The following TMEM63B variants were observed in gnomAD, a reference collection of about 807,000 sequenced individuals.
TMEM63B encodes the protein transmembrane protein 63B, also known as mechanosensitive cation channel TMEM63B.
In TMEM63B, 23 loss-of-function variants were observed where a neutral mutation model predicts 102.6. The ratio of observed to expected loss-of-function variants is 0.22; its 90% CI spans 0.16 to 0.32. The LOEUF (loss-of-function observed/expected upper bound fraction) is 0.32, where lower values mean the gene tolerates loss of function less well. Among genes scored for constraint, TMEM63B ranks in the 10% least tolerant of loss-of-function variants. TMEM63B has a pLI of 1.00. For synonymous variants in TMEM63B, 444 were observed against 437.0 expected (o/e 1.02, Z -0.20); for missense variants, 628 against 1,095.9 (o/e 0.57, Z 6.03).
chr6:44,147,256 T>G (rs1765608504), intron 11 of TMEM63B, 121 bp from the exon 12 acceptor site: 1 of 1,520,688 alleles, frequency 6.6e-7, no homozygotes, highest in East Asian at 2.3e-5. Context: ...TGGCCACATC[T>G]GAAACATGTA....
chr6:44,129,301 G>A (rs1777834902), intron 1 of TMEM63B, among the ~76,000 whole-genome samples: 1 of 151,164 alleles, frequency 6.6e-6, no homozygotes, highest in Admixed American at 6.6e-5. Context: ...CTGGGAGGCG[G>A]AGGTTGCAGT....
At chr6:44,138,458 T>C (rs952124279) in intron 5 of TMEM63B, 22 bp from the exon 6 acceptor site, 4 of 1,614,004 alleles carry the variant, frequency 2.5e-6, no homozygotes, top group Non-Finnish European at 3.4e-6. Context: ...GGACTCCCGC[T>C]GACAGCCCTC....
chr6:44,150,428 G>A lies in TMEM63B; in HGVS notation c.1607+118G>A. The stretch of plus-strand genomic sequence containing the variant: ...CAAGGGGCCCAAGATGGGAAGCCTG[G>A]CCACCCCCAGGCCTCCTGAGCTACC... On this transcript the variant is annotated intron_variant, in intron 17 of 23. Transcript: ENST00000323267. This position sits in a 1 kb window ranked among gnomAD's most constrained non-coding sequence, Gnocchi z 4.7. The A allele has an allele frequency of 6.9e-7, 1 of 1,455,510 alleles. No individual in the cohort carries two copies. The highest frequency in any genetic ancestry group is 9.6e-7 in the Non-Finnish European group (1 of 1,041,642). 90.2% of individuals were successfully genotyped at this position (1,455,510 alleles called of 1,614,324 possible).
intron 10 of TMEM63B, among the ~76,000 whole-genome samples, chr6:44,141,841 G>A (rs907246121): frequency 2.6e-5 from 4 of 152,312 alleles, no homozygotes; most frequent in Non-Finnish European, 4.4e-5. Flanking sequence ...AATGAATGAG[G>A]CCAGGCATGG....
At chr6:44,128,181 G>A (rs943636156) in intron 1 of TMEM63B, among the ~76,000 whole-genome samples, 1 of 152,306 alleles carries the variant, frequency 6.6e-6, no homozygotes. Flanking sequence ...CCGGTCCGGG[G>A]TAAGGGCTCG....
At chr6:44,131,259 C>T (rs1778225394) in intron 1 of TMEM63B, among the ~76,000 whole-genome samples, 1 of 152,054 alleles carries the variant, frequency 6.6e-6, no homozygotes, top group African/African-American at 2.4e-5. Context: ...ATATTCTTGC[C>T]TTTCTCTCTG....
chr6:44,146,565 C>G (rs1765457958), intron 10 of TMEM63B, among the ~76,000 whole-genome samples: 1 of 152,050 alleles, frequency 6.6e-6, no homozygotes, highest in African/African-American at 2.4e-5. Flanking sequence ...ATTCTTCTGC[C>G]TCAGCCTCCT....
At position 44,139,482 on chromosome 6, in the gene TMEM63B, G is replaced by C. The variant is rs1424846008; in HGVS notation, c.423G>C (p.Arg141=). 2 of 1,614,052 alleles carry C rather than the reference G, an allele frequency of 1.2e-6. No individual in the cohort carries two copies. The highest frequency in any genetic ancestry group is 2.7e-5 in the African/African-American group (2 of 74,912). ...ATGGCTGCAGGGATGATGAGATCCG[G>C]GACAAATGTGGGGGCGATGCCGTGC... ...AIFRIKDDEI[R]DKCGGDAVHY... is the part of the protein sequence containing the mutation. The change falls in exon 7 of 24, where the codon CGG becomes CGC. Residue 141 remains arginine (R), a synonymous_variant. Transcript: ENST00000323267.
intron 10 of TMEM63B, 136 bp downstream of exon 10, chr6:44,141,234 G>A: frequency 1.1e-6 from 1 of 899,386 alleles, no homozygotes; most frequent in South Asian, 1.9e-5. Context: ...AGGAAGAAAT[G>A]TCCGATTCCA....
intron 1 of TMEM63B, among the ~76,000 whole-genome samples, chr6:44,129,365 CAAAAAA>C (rs11331641): frequency 9.7e-6 from 1 of 103,154 alleles, no homozygotes; most frequent in Non-Finnish European, 2.0e-5. Context: ...AAGACTGTCT[CAAAAAA>C]AAAAAAAAAA....
chr6:44,146,987 T>C lies in TMEM63B; in HGVS notation c.863+60T>C, dbSNP rs571315271. On this transcript the variant is annotated intron_variant, in intron 11 of 23. Coordinates refer to ENST00000323267, the MANE Select transcript of TMEM63B (RefSeq NM_018426.3). Reference sequence around the variant, plus strand: ...GGGCCCCCTGCCATTGTGGAGGACATCTTGGCTACCACACAGGCTCCCCTT... The same window carrying C: ...GGGCCCCCTGCCATTGTGGAGGACACCTTGGCTACCACACAGGCTCCCCTT... The C allele has an allele frequency of 1.3e-4, 199 of 1,553,486 alleles. No individual in the cohort carries two copies. In the African/African-American group the frequency reaches 2.3e-3, roughly 18 times the overall value.
chr6:44,141,197 G>A (rs1332224964), intron 10 of TMEM63B, 99 bp downstream of exon 10: 7 of 1,224,406 alleles, frequency 5.7e-6, no homozygotes, highest in Admixed American at 4.7e-5. Context: ...CTGGAGCTCT[G>A]CCGTGGGTGG....
intron 10 of TMEM63B, among the ~76,000 whole-genome samples, chr6:44,142,161 T>G (rs1203310611): frequency 6.6e-5 from 10 of 150,910 alleles, no homozygotes; most frequent in Admixed American, 6.6e-4. Context: ...CCAGGCACGG[T>G]GGCTCACGCC....
At chr6:44,127,421 A>C (rs1187290157), upstream of TMEM63B, 1 of 150,826 alleles carries the variant, frequency 6.6e-6, no homozygotes, top group African/African-American at 2.5e-5. Flanking sequence ...GCCTCTTCCT[A>C]GCGCCTGCGC....
At chr6:44,139,660 G>T in intron 7 of TMEM63B, 48 bp from the exon 8 acceptor site, 1 of 1,614,146 alleles carries the variant, frequency 6.2e-7, no homozygotes, top group East Asian at 2.2e-5. Context: ...GGCTGGAGGG[G>T]ATGTGCCCTG....
rs1193147481 is a variant in TMEM63B, at chr6:44,150,126, TC to T, written c.1521-95del. 5.1e-5 allele frequency: 72 copies of T among 1,402,128 alleles called. No individual in the cohort carries two copies. Among genetic ancestry groups the T allele is most frequent in the Non-Finnish European group, 7.0e-5 (70 of 1,006,108 alleles). 86.9% of individuals were successfully genotyped at this position (1,402,128 alleles called of 1,614,324 possible). On this transcript the variant is annotated intron_variant, in intron 16 of 23. Transcript: ENST00000323267. This position sits in a 1 kb window ranked among gnomAD's most constrained non-coding sequence, Gnocchi z 4.7. ...ACCCTCACCTTGGGAGGCCCACCCT[TC>T]CCAGGGGACACTCCTTGGACATTGT... is the stretch of plus-strand genomic sequence containing the variant.
At chr6:44,141,266 G>A (rs1054601318) in intron 10 of TMEM63B, among the ~76,000 whole-genome samples, 168 bp downstream of exon 10, 2 of 152,162 alleles carry the variant, frequency 1.3e-5, no homozygotes, top group Non-Finnish European at 1.5e-5. Context: ...CACTTGGGTC[G>A]GGTGATAGGC....
At chr6:44,127,843 A>G (rs1188982397) in intron 1 of TMEM63B, 165 bp downstream of exon 1, 9 of 150,236 alleles carry the variant, frequency 6.0e-5, no homozygotes, top group African/African-American at 2.0e-4. Context: ...GCTGCCCCCA[A>G]CCCCGCACCA....
At chr6:44,147,539 A>G in intron 12 of TMEM63B, 39 bp downstream of exon 12, 1 of 1,609,078 alleles carries the variant, frequency 6.2e-7, no homozygotes. Context: ...GAGAAGTTGG[A>G]CAGGTCCTGG....
Sources: gnomAD v4.1 joint callset for allele counts (sites outside exome capture counted in the v4.1 genomes callset) on GRCh38, gnomAD v4.1.1 for gene constraint, Gnocchi (gnomAD v3.1) non-coding constraint, MANE v1.5 for transcripts, NCBI Gene and HGNC (gene_info 2026-07-23, HGNC 2026-07-21) for gene names.